C10orf67: variants seen among roughly 807,000 people sequenced by gnomAD.
The protein encoded by C10orf67 is chromosome 10 open reading frame 67, also known as uncharacterized protein C10orf67, mitochondrial.
C10orf67 carries 60 observed loss-of-function variants against 35.6 expected under a neutral mutation model. The observed-to-expected ratio is 1.68, with a 90% CI of 1.37 to 2.09. The LOEUF (loss-of-function observed/expected upper bound fraction) is 2.09, where lower values mean the gene tolerates loss of function less well. C10orf67 is among the 30% of genes most tolerant of loss of function. C10orf67 has a pLI of 0.00. For synonymous variants in C10orf67, 167 were observed against 115.8 expected (o/e 1.44, Z -2.84); for missense variants, 474 against 330.2 (o/e 1.44, Z -3.38).
At chr10:23,268,911 G>A (rs1260959945) in intron 8 of C10orf67, among the ~76,000 whole-genome samples, 2 of 152,186 alleles carry the variant, frequency 1.3e-5, no homozygotes, top group Non-Finnish European at 2.9e-5. Flanking sequence ...TTCAAACATA[G>A]AAAAGTTACA....
chr10:23,306,941 T>C (rs913889943), intron 4 of C10orf67, among the ~76,000 whole-genome samples: 2 of 152,222 alleles, frequency 1.3e-5, no homozygotes, highest in African/African-American at 4.8e-5. Context: ...GATTTGTGAA[T>C]ATCCTACTTT....
intron 4 of C10orf67, among the ~76,000 whole-genome samples, chr10:23,311,754 C>T (rs1355965358): frequency 1.3e-5 from 2 of 151,678 alleles, no homozygotes; most frequent in Non-Finnish European, 2.9e-5. Flanking sequence ...TCAGTAACAA[C>T]ATCAAAATAG....
intron 4 of C10orf67, among the ~76,000 whole-genome samples, chr10:23,307,279 G>GAT (rs1844322561): frequency 6.6e-6 from 1 of 152,136 alleles, no homozygotes; most frequent in Non-Finnish European, 1.5e-5. Flanking sequence ...GAAACCATTT[G>GAT]ATTCTTTGTG....
At chr10:23,222,024 C>A (rs1841595894) in intron 15 of C10orf67, among the ~76,000 whole-genome samples, 1 of 152,064 alleles carries the variant, frequency 6.6e-6, no homozygotes, top group Admixed American at 6.6e-5. Flanking sequence ...GATTAATATT[C>A]AGAATTATGA....
At position 23,256,516 on chromosome 10, in the gene C10orf67, A is replaced by G. The variant is rs117843322; in HGVS notation, c.1201-5825T>C. ...GAGAGATGAGAGCCATGAACAGTTC[A>G]TAGGTCTCGTCTACAGCTGAAGAAG... On this transcript the variant is annotated intron_variant, in intron 10 of 15. Coordinates refer to ENST00000636213, the MANE Select transcript of C10orf67 (RefSeq NM_001371909.1). Among the ~76,000 whole-genome samples, 467 of 152,326 alleles carry G rather than the reference A, an allele frequency of 3.1e-3. 14 individuals carry two copies. The East Asian group carries it at 0.05, about 16-fold the overall frequency.
chr10:23,319,786 C>T (rs1844871186), intron 4 of C10orf67, among the ~76,000 whole-genome samples: 1 of 152,204 alleles, frequency 6.6e-6, no homozygotes, highest in South Asian at 2.1e-4. Flanking sequence ...AGCCAACTCA[C>T]CTTCAGGTCT....
chr10:23,224,528 G>A (rs1171166996), intron 13 of C10orf67, among the ~76,000 whole-genome samples: 1 of 152,230 alleles, frequency 6.6e-6, no homozygotes, highest in Non-Finnish European at 1.5e-5. Context: ...GCGGGACGGA[G>A]AATGACTTTG....
rs1189942657 is a variant in C10orf67, at chr10:23,333,183, C to A, written c.207-1G>T. 1.3e-6 allele frequency: 2 copies of A among 1,597,774 alleles called. No homozygotes were observed. The highest frequency in any genetic ancestry group is 1.7e-5 in the Admixed American group (1 of 57,706). On this transcript the variant is annotated splice_acceptor_variant, in intron 1 of 15. Coordinates refer to ENST00000636213, the MANE Select transcript of C10orf67 (RefSeq NM_001371909.1). LOFTEE classifies it high-confidence loss of function. ...CTTTAAATCATCTGAAATGTTAAGT[C>A]TGAAAACAAAGGAAATGAAATGTGC...
At chr10:23,322,636 C>T in intron 2 of C10orf67, 99 bp from the exon 3 acceptor site, 2 of 713,728 alleles carry the variant, frequency 2.8e-6, no homozygotes, top group Non-Finnish European at 4.6e-6. Flanking sequence ...ATGATGAGAA[C>T]TCATGTGCAC....
intron 10 of C10orf67, among the ~76,000 whole-genome samples, chr10:23,260,893 A>G (rs1258763437): frequency 1.3e-5 from 2 of 152,220 alleles, no homozygotes; most frequent in African/African-American, 2.4e-5. Context: ...CAATTTTAAT[A>G]CAAAAAGACC....
chr10:23,235,930 C>A (rs749239320), intron 13 of C10orf67, among the ~76,000 whole-genome samples: 1 of 151,888 alleles, frequency 6.6e-6, no homozygotes, highest in Non-Finnish European at 1.5e-5. Context: ...GCCTGGCCAA[C>A]ATGGTGAAAT....
chr10:23,257,628 T>C (rs1325056869), intron 10 of C10orf67, among the ~76,000 whole-genome samples: 1 of 152,004 alleles, frequency 6.6e-6, no homozygotes, highest in African/African-American at 2.4e-5. Flanking sequence ...TATGGCAAAA[T>C]TCTATCTCTA....
Position 23,223,689 on chromosome 10 carries a change from A to G in C10orf67, c.1510-31T>C, listed in dbSNP as rs866083883. 5.6e-6 allele frequency: 4 copies of G among 717,132 alleles called. No homozygotes were observed. In the African/African-American group the frequency reaches 7.0e-5, roughly 13 times the overall value. The allele number at this position is 717,132 out of a possible 1,614,324, so 44.4% of individuals were successfully genotyped here. A position where few individuals can be genotyped will look rare whatever the true frequency, so the allele number is the denominator to read the frequency against. ...AGTGAACCAAAACTTTTCATTACTT[A>G]AGTTGAATAATATTAACTCAGTAAA... On this transcript the variant is annotated intron_variant, in intron 14 of 15. Transcript: ENST00000636213.
intron 2 of C10orf67, among the ~76,000 whole-genome samples, chr10:23,324,995 T>A (rs543468233): frequency 6.6e-6 from 1 of 151,688 alleles, no homozygotes; most frequent in South Asian, 2.1e-4. Context: ...TTGGGTGGGG[T>A]CCCAGGTGAA....
At chr10:23,249,531 C>T (rs1027794846) in intron 12 of C10orf67, among the ~76,000 whole-genome samples, 8 of 152,142 alleles carry the variant, frequency 5.3e-5, no homozygotes, top group African/African-American at 1.9e-4. Context: ...GTGTTTTTGC[C>T]CTGAATCCTC....
chr10:23,344,421 A>T, intron 1 of C10orf67, 148 bp downstream of exon 1: 1 of 800,082 alleles, frequency 1.2e-6, no homozygotes, highest in Non-Finnish European at 2.0e-6. Context: ...CGCCTGCCTC[A>T]AGGCTTCCCC....
At position 23,245,801 on chromosome 10, in the gene C10orf67, C is replaced by G. The variant is rs561077941; in HGVS notation, c.1346+4654G>C. Reference sequence around the variant, plus strand: ...CTGTGGAAATCCGTCTGAGATTTCTCAAAGAACTTAAAATAGAACTACTCT... The same window carrying G: ...CTGTGGAAATCCGTCTGAGATTTCTGAAAGAACTTAAAATAGAACTACTCT... On this transcript the variant is annotated intron_variant, in intron 12 of 15. Transcript: ENST00000636213. Among the ~76,000 whole-genome samples the G allele has an allele frequency of 1.1e-4, 17 of 152,244 alleles. No individual in the cohort carries two copies. The East Asian group carries it at 2.9e-3, about 26-fold the overall frequency.
At chr10:23,319,031 G>C in intron 4 of C10orf67, 1 of 698,528 alleles carries the variant, frequency 1.4e-6, no homozygotes, top group Non-Finnish European at 2.6e-6. Flanking sequence ...AGGTTCAGAG[G>C]GTACATGTAC....
chr10:23,210,185 A>G (rs553195642), intron 15 of C10orf67, among the ~76,000 whole-genome samples: 1 of 152,108 alleles, frequency 6.6e-6, no homozygotes, highest in South Asian at 2.1e-4. Context: ...GGAGCCAGAG[A>G]AGGAGAGCAA....
Sources: gnomAD v4.1 joint callset for allele counts (sites outside exome capture counted in the v4.1 genomes callset) on GRCh38, gnomAD v4.1.1 for gene constraint, MANE v1.5 for transcripts, NCBI Gene and HGNC (gene_info 2026-07-23, HGNC 2026-07-21) for gene names.